The following CTIF variants were observed in gnomAD, a reference collection of about 807,000 sequenced individuals.
The protein encoded by CTIF is cap binding complex dependent translation initiation factor.
Under a neutral mutation model 66.0 loss-of-function variants are expected in CTIF, and 21 were observed. That is an observed-to-expected ratio of 0.32 (90% confidence interval 0.23 to 0.46). The LOEUF is 0.46. CTIF is among the 20% of genes least tolerant of loss of function. The pLI is 1.00. For missense variants in CTIF, 739 were observed against 812.7 expected (o/e 0.91, Z 1.10); for synonymous variants, 345 against 326.4 (o/e 1.06, Z -0.62).
intron 9 of CTIF, among the ~76,000 whole-genome samples, chr18:48,791,318 C>T (rs1183348327): frequency 6.6e-6 from 1 of 152,258 alleles, no homozygotes; most frequent in Non-Finnish European, 1.5e-5. Flanking sequence ...CTCCCAAGCC[C>T]TGAGCCCCAA....
chr18:48,846,774 AATGG>A (rs1419278502), intron 10 of CTIF, among the ~76,000 whole-genome samples: 1 of 136,572 alleles, frequency 7.3e-6, no homozygotes, highest in African/African-American at 2.8e-5. Context: ...TGAAAGGATG[AATGG>A]ATGGATGGAT....
At chr18:48,705,015 A>G (rs1292205891) in intron 6 of CTIF, among the ~76,000 whole-genome samples, 3 of 152,164 alleles carry the variant, frequency 2.0e-5, no homozygotes, top group Admixed American at 6.5e-5. Flanking sequence ...GCTGGCAGGC[A>G]GTGGTGGAGA....
intron 1 of CTIF, among the ~76,000 whole-genome samples, chr18:48,541,524 T>C (rs1599112045): frequency 6.6e-6 from 1 of 152,204 alleles, no homozygotes; most frequent in East Asian, 1.9e-4. Context: ...CCTAGCAGGC[T>C]CGGGCTGCGC....
intron 3 of CTIF, among the ~76,000 whole-genome samples, chr18:48,637,975 T>C (rs1208359805): frequency 6.6e-6 from 1 of 151,984 alleles, no homozygotes. Context: ...GGAAACTGAG[T>C]CCCACGGAGG....
intron 3 of CTIF, among the ~76,000 whole-genome samples, chr18:48,647,445 G>A (rs546044633): frequency 4.6e-5 from 7 of 152,272 alleles, no homozygotes; most frequent in African/African-American, 1.2e-4. Flanking sequence ...GGGAAGGATC[G>A]TATTAAGAGG....
intron 7 of CTIF, among the ~76,000 whole-genome samples, chr18:48,724,042 G>C (rs147841105): frequency 5.3e-5 from 8 of 152,204 alleles, no homozygotes; most frequent in Non-Finnish European, 1.2e-4. Flanking sequence ...TGTCCCCTGG[G>C]TGCTTGGTGT....
At chr18:48,674,281 G>A (rs993646359) in intron 6 of CTIF, among the ~76,000 whole-genome samples, 1 of 152,246 alleles carries the variant, frequency 6.6e-6, no homozygotes, top group East Asian at 1.9e-4. Flanking sequence ...CCTTGCCCAG[G>A]TCACAGTCCC....
rs544198302 is a variant in CTIF at position 48,646,687 on chromosome 18, C to T, written c.252+10002C>T. Among the ~76,000 whole-genome samples, 37 of 150,450 alleles carry T rather than the reference C, an allele frequency of 2.5e-4. 1 individual carries two copies. In the South Asian group the frequency reaches 7.0e-3, roughly 28 times the overall value. ...ACTTGAGCCTGGGAGGTGGAGGTTG[C>T]GGTGAGCTGTGATCAAACCACTGTA... On this transcript the variant is annotated intron_variant, in intron 3 of 11. Transcript: ENST00000256413.
intron 9 of CTIF, among the ~76,000 whole-genome samples, chr18:48,795,029 G>A (rs1385363826): frequency 6.6e-6 from 1 of 152,148 alleles, no homozygotes; most frequent in African/African-American, 2.4e-5. Context: ...TGCAGAACAT[G>A]GCAATCCTAA....
intron 1 of CTIF, among the ~76,000 whole-genome samples, chr18:48,586,114 T>C (rs1342158328): frequency 6.6e-6 from 1 of 152,116 alleles, no homozygotes; most frequent in Non-Finnish European, 1.5e-5. Context: ...GTCAAAGGCA[T>C]CTTTGGTTAT....
At chr18:48,829,020 A>G (rs1356815724) in intron 10 of CTIF, among the ~76,000 whole-genome samples, 1 of 152,216 alleles carries the variant, frequency 6.6e-6, no homozygotes, top group Non-Finnish European at 1.5e-5. Flanking sequence ...GGCCCCTGCT[A>G]TCTGCAGAGC....
chr18:48,783,748 G>A (rs907071285), intron 9 of CTIF, among the ~76,000 whole-genome samples: 1 of 152,064 alleles, frequency 6.6e-6, no homozygotes, highest in Non-Finnish European at 1.5e-5. Context: ...GTGTTTTGCT[G>A]TCTGCCGCAG....
chr18:48,665,246 G>C (rs962924521), intron 5 of CTIF, among the ~76,000 whole-genome samples: 12 of 152,304 alleles, frequency 7.9e-5, no homozygotes, highest in Admixed American at 3.9e-4. Context: ...GTTCCCCAGC[G>C]GGTGCTGATG....
chr18:48,787,739 A>G (rs1911843120), intron 9 of CTIF, among the ~76,000 whole-genome samples: 1 of 152,058 alleles, frequency 6.6e-6, no homozygotes, highest in Non-Finnish European at 1.5e-5. Context: ...TTCTCTTCCA[A>G]AGGGTGGTTT....
chr18:48,680,416 G>A (rs2091720538), intron 6 of CTIF, among the ~76,000 whole-genome samples: 1 of 152,266 alleles, frequency 6.6e-6, no homozygotes. Context: ...CTGGGCCAAG[G>A]CCATCACACA....
At chr18:48,677,650 A>G (rs979216177) in intron 6 of CTIF, among the ~76,000 whole-genome samples, 1 of 151,654 alleles carries the variant, frequency 6.6e-6, no homozygotes, top group Non-Finnish European at 1.5e-5. Context: ...GCTTGTGAAC[A>G]CTCCATATGC....
chr18:48,714,897 T>A (rs2092264679), intron 7 of CTIF, among the ~76,000 whole-genome samples: 1 of 152,196 alleles, frequency 6.6e-6, no homozygotes, highest in Non-Finnish European at 1.5e-5. Flanking sequence ...ATAAAGCACC[T>A]AGAAACACGG....
At chr18:48,564,278 A>T (rs983397726) in intron 1 of CTIF, among the ~76,000 whole-genome samples, 13 of 152,154 alleles carry the variant, frequency 8.5e-5, no homozygotes, top group African/African-American at 2.9e-4. Context: ...ACCTGGGTGC[A>T]AGCAGGACCG....
intron 1 of CTIF, among the ~76,000 whole-genome samples, chr18:48,589,901 C>T (rs1433664869): frequency 1.3e-5 from 2 of 152,240 alleles, no homozygotes; most frequent in Non-Finnish European, 2.9e-5. Context: ...TCATTTTCCC[C>T]TTTGGAAACT....
Sources: gnomAD v4.1 joint callset for allele counts (sites outside exome capture counted in the v4.1 genomes callset) on GRCh38, gnomAD v4.1.1 for gene constraint, MANE v1.5 for transcripts, NCBI Gene and HGNC (gene_info 2026-07-23, HGNC 2026-07-21) for gene names.